Variants in LRMDA observed in about 807,000 individuals in gnomAD.
LRMDA encodes leucine-rich melanocyte differentiation-associated protein.
A neutral mutation model predicts 29.8 loss-of-function variants in LRMDA; 18 were observed. The observed-to-expected ratio is 0.60, with a 90% confidence interval of 0.42 to 0.90. The LOEUF (loss-of-function observed/expected upper bound fraction) is 0.90. Among genes scored for constraint, LRMDA ranks in the 40% least tolerant of loss-of-function variants. The pLI is 0.00. For missense variants in LRMDA, 273 were observed against 273.9 expected (o/e 1.00, Z 0.02); for synonymous variants, 125 against 109.4 (o/e 1.14, Z -0.89).
chr10:75,776,643 A>T (rs1843315098), intron 2 of LRMDA, among the ~76,000 whole-genome samples: 1 of 152,228 alleles, frequency 6.6e-6, no homozygotes, highest in Admixed American at 6.5e-5. Context: ...CACTATTAGC[A>T]AGGGAATTGC....
chr10:76,287,522 A>G (rs971677599), intron 5 of LRMDA, among the ~76,000 whole-genome samples: 1 of 152,124 alleles, frequency 6.6e-6, no homozygotes, highest in Non-Finnish European at 1.5e-5. Context: ...ATTCTTTGGT[A>G]TCTTCTGTAG....
intron 2 of LRMDA, among the ~76,000 whole-genome samples, chr10:75,939,046 C>T (rs1046737504): frequency 7.9e-5 from 12 of 152,278 alleles, no homozygotes; most frequent in African/African-American, 9.6e-5. Context: ...TGGCCGCAAA[C>T]GATGAATTAG....
chr10:75,510,350 C>G (rs755812279), intron 2 of LRMDA, among the ~76,000 whole-genome samples: 1 of 152,110 alleles, frequency 6.6e-6, no homozygotes, highest in Non-Finnish European at 1.5e-5. Context: ...TGGAGATTTC[C>G]TGGACTCTGG....
At chr10:76,130,278 G>A (rs1339923925) in intron 5 of LRMDA, among the ~76,000 whole-genome samples, 1 of 152,146 alleles carries the variant, frequency 6.6e-6, no homozygotes, top group Non-Finnish European at 1.5e-5. Context: ...TGCTACATAT[G>A]TTGCTAGCCC....
At chr10:75,532,056 GAAAA>G (rs60697116) in intron 2 of LRMDA, among the ~76,000 whole-genome samples, 2 of 95,386 alleles carry the variant, frequency 2.1e-5, no homozygotes, top group Admixed American at 1.2e-4. Flanking sequence ...AAGAAAGAAA[GAAAA>G]AAAAAAAAAA....
intron 2 of LRMDA, among the ~76,000 whole-genome samples, chr10:75,852,875 A>G (rs1564586547): frequency 8.9e-6 from 1 of 112,354 alleles, no homozygotes. Flanking sequence ...TAAGTAATTT[A>G]TAAAGGAAAG....
intron 2 of LRMDA, among the ~76,000 whole-genome samples, chr10:75,779,890 C>A (rs927944840): frequency 1.3e-5 from 2 of 152,118 alleles, no homozygotes; most frequent in African/African-American, 4.8e-5. Flanking sequence ...GAAATAGATT[C>A]TTTGCAGATA....
intron 5 of LRMDA, among the ~76,000 whole-genome samples, chr10:76,124,469 A>C (rs978916481): frequency 6.6e-6 from 1 of 152,236 alleles, no homozygotes; most frequent in Non-Finnish European, 1.5e-5. Flanking sequence ...ACTCTTGAAC[A>C]AACAGTGGAG....
chr10:76,226,902 C>G (rs1008620556), intron 5 of LRMDA, among the ~76,000 whole-genome samples: 1 of 152,162 alleles, frequency 6.6e-6, no homozygotes, highest in East Asian at 1.9e-4. Context: ...CAGGTACTCC[C>G]TTATAGCAAC....
chr10:76,532,057 G>A lies in LRMDA; in HGVS notation c.602-25152G>A, dbSNP rs548569922. On this transcript the variant is annotated intron_variant, in intron 6 of 6. Transcript: ENST00000611255. ...CCTTCAAACCTCTACTTTAAGTTCT[G>A]GGGTACATGTGCAGAACATGGAGGT... Among the ~76,000 whole-genome samples the A allele has an allele frequency of 1.1e-4, 16 of 152,032 alleles. No homozygotes were observed. In the South Asian group the frequency reaches 2.3e-3, roughly 22 times the overall value.
At chr10:76,400,155 C>A (rs186161202) in intron 6 of LRMDA, among the ~76,000 whole-genome samples, 14 of 152,296 alleles carry the variant, frequency 9.2e-5, no homozygotes, top group Admixed American at 2.0e-4. Context: ...GTTGGAGAGG[C>A]CCACACGGCA....
intron 5 of LRMDA, among the ~76,000 whole-genome samples, chr10:76,080,137 C>T (rs1589317700): frequency 2.6e-5 from 4 of 152,132 alleles, no homozygotes; most frequent in Admixed American, 2.0e-4. Context: ...CATCTACCTT[C>T]TAGGGAATAT....
chr10:75,586,609 G>GGA lies in LRMDA; in HGVS notation c.131+148117_131+148118dup, dbSNP rs1214885886. ...CCTGCCTTGGCCTCTGAAAGTGCTG[G>GGA]GAGTACAGACATGAGGCACTGTGTC... is the stretch of plus-strand genomic sequence containing the variant. On this transcript the variant is annotated intron_variant, in intron 2 of 6. Coordinates refer to ENST00000611255, the MANE Select transcript of LRMDA (RefSeq NM_001305581.2). Among the ~76,000 whole-genome samples, 12 of 152,064 alleles carry GGA rather than the reference G, an allele frequency of 7.9e-5. No homozygotes were observed. The South Asian group carries it at 2.1e-3, about 26-fold the overall frequency.
chr10:76,091,276 C>CGTGT (rs56145957), intron 5 of LRMDA, among the ~76,000 whole-genome samples: 4,288 of 146,812 alleles, frequency 0.029, 90 homozygotes, highest in East Asian at 0.056. Context: ...ACATGGTGGA[C>CGTGT]GTGTGTGTGT....
intron 2 of LRMDA, among the ~76,000 whole-genome samples, chr10:75,682,688 G>A (rs1842038884): frequency 6.6e-6 from 1 of 152,158 alleles, no homozygotes; most frequent in Non-Finnish European, 1.5e-5. Flanking sequence ...TGAACCTTAT[G>A]TGTCCAGTTG....
In LRMDA at chr10:76,128,538, G is replaced by A. The variant is rs35380603; in HGVS notation, c.516+69755G>A. 3.6e-3 allele frequency among the ~76,000 whole-genome samples: 554 copies of A among 152,328 alleles called. 5 individuals carry two copies. Among genetic ancestry groups the A allele is most frequent in the African/African-American group, 0.013 (534 of 41,576 alleles). ...GGAATGTGTGGGAAGTGGTAGCTCAGTGAGTGAGGCCAGATGCCACATCAG... is the reference window on the plus strand; with the variant it reads ...GGAATGTGTGGGAAGTGGTAGCTCAATGAGTGAGGCCAGATGCCACATCAG... On this transcript the variant is annotated intron_variant, in intron 5 of 6. Coordinates refer to ENST00000611255, the MANE Select transcript of LRMDA (RefSeq NM_001305581.2).
At chr10:75,879,665 G>T (rs1392196463) in intron 2 of LRMDA, among the ~76,000 whole-genome samples, 1 of 152,160 alleles carries the variant, frequency 6.6e-6, no homozygotes, top group Non-Finnish European at 1.5e-5. Flanking sequence ...AGGATTTGGG[G>T]TTTGGGTTCC....
chr10:76,121,053 T>G (rs1287512966), intron 5 of LRMDA, among the ~76,000 whole-genome samples: 1 of 151,984 alleles, frequency 6.6e-6, no homozygotes, highest in Admixed American at 6.6e-5. Flanking sequence ...TTCTTTATCT[T>G]AGACATTAGT....
chr10:76,407,794 A>G (rs1457970488), intron 6 of LRMDA, among the ~76,000 whole-genome samples: 1 of 152,188 alleles, frequency 6.6e-6, no homozygotes, highest in Non-Finnish European at 1.5e-5. Context: ...AGGTAGGGCA[A>G]TTTCTTCATT....
Sources: allele counts gnomAD v4.1 joint callset (sites outside exome capture counted in the v4.1 genomes callset), GRCh38; gene constraint gnomAD v4.1.1; transcripts MANE v1.5; gene names NCBI Gene and HGNC (gene_info 2026-07-23, HGNC 2026-07-21).